The following IQGAP3 variants were observed in gnomAD, a reference collection of about 807,000 sequenced individuals.
IQGAP3 encodes ras GTPase-activating-like protein IQGAP3.
IQGAP3 carries 165 observed loss-of-function variants against 208.2 expected under a neutral mutation model. The observed-to-expected ratio is 0.79, with a 90% CI of 0.70 to 0.90. The LOEUF (loss-of-function observed/expected upper bound fraction) is 0.90. IQGAP3 is among the 40% of genes least tolerant of loss of function. The probability of loss-of-function intolerance (pLI) is 0.00; values close to 1 mark genes in which losing one functional copy is unlikely to be tolerated. For missense variants in IQGAP3, 1,811 were observed against 2,043.1 expected, an observed-to-expected ratio of 0.89 and a Z score of 2.19; for synonymous variants, 703 against 803.6, an observed-to-expected ratio of 0.87 and a Z score of 2.12.
Position 156,529,026 on chromosome 1 carries a change from C to T in IQGAP3, c.4461G>A (p.Leu1487=). The change falls in exon 35 of 38, where the codon CTG becomes CTA. Residue 1487 remains leucine, a synonymous_variant. Coordinates refer to ENST00000361170, the MANE Select transcript of IQGAP3 (RefSeq NM_178229.5). ...RHRRKAELVK[L]QATLQGLSTK... ...TGCTCAGGCCCTGTAATGTGGCCTG[C>T]AGCTTCACCAGCTCTGCCTTCCGCC... is the stretch of plus-strand genomic sequence containing the variant. 1 of 1,614,210 alleles carries T rather than the reference C, an allele frequency of 6.2e-7. No homozygotes were observed. The highest frequency in any genetic ancestry group is 1.1e-5 in the South Asian group (1 of 91,090).
In IQGAP3 at chr1:156,544,131, G is replaced by C. The variant is rs771463136; in HGVS notation, c.2460+21C>G. The C allele has an allele frequency of 2.5e-6, 4 of 1,613,670 alleles. No individual in the cohort carries two copies. In the Admixed American group the frequency reaches 6.7e-5, roughly 27 times the overall value. ...GGGCAAAGGTTGGGTATGTGGGCAG[G>C]GGGAACAAGGTGACACTCACATTCT... On this transcript the variant is annotated intron_variant, in intron 21 of 37. Coordinates refer to ENST00000361170, the MANE Select transcript of IQGAP3 (RefSeq NM_178229.5).
chr1:156,542,490 TG>T (rs1467898560), intron 22 of IQGAP3, among the ~76,000 whole-genome samples: 2 of 152,194 alleles, frequency 1.3e-5, no homozygotes, highest in Non-Finnish European at 2.9e-5. Flanking sequence ...AGGCCCGGCC[TG>T]GGGACAAATC....
chr1:156,529,099 G>A lies in IQGAP3; in HGVS notation c.4405-17C>T. 1 of 1,613,148 alleles carries A rather than the reference G, an allele frequency of 6.2e-7. No homozygotes were observed. The highest frequency in any genetic ancestry group is 1.1e-5 in the South Asian group (1 of 91,022). Reference sequence around the variant, plus strand: ...GCGGATGTCCTGGGGTTGGGGAACAGATGGAGGGATGAGTGGTCCTTCCTG... The same window carrying A: ...GCGGATGTCCTGGGGTTGGGGAACAAATGGAGGGATGAGTGGTCCTTCCTG... On this transcript the variant is annotated splice_polypyrimidine_tract_variant and intron_variant, in intron 34 of 37. Transcript: ENST00000361170.
chr1:156,537,501 G>T (rs767357430), intron 26 of IQGAP3, among the ~76,000 whole-genome samples, 180 bp from the exon 27 acceptor site: 26 of 152,226 alleles, frequency 1.7e-4, no homozygotes, highest in Admixed American at 1.4e-3. Flanking sequence ...AATGCAGTCG[G>T]GAGGTAAAGA....
At chr1:156,569,146 C>G in intron 2 of IQGAP3, among the ~76,000 whole-genome samples, 1 of 151,594 alleles carries the variant, frequency 6.6e-6, no homozygotes, top group East Asian at 1.9e-4. Context: ...GGCATTGTGG[C>G]TATATAAGCG....
Position 156,544,394 on chromosome 1 carries a change from T to G in IQGAP3, c.2383A>C (p.Ile795Leu). Residue 795 changes from isoleucine to leucine, a missense_variant, in exon 20 of 38, where the codon ATC becomes CTC. Physicochemically the swap from Ile to Leu is conservative, Grantham distance 5. Coordinates refer to ENST00000361170, the MANE Select transcript of IQGAP3 (RefSeq NM_178229.5). The stretch of plus-strand genomic sequence containing the variant: ...GCCAAAACCACCGTAGCTACCTTGA[T>G]TATGGCATCCAGGTTTGCTTTAAAA... The part of the protein sequence containing the change: ...QYFKANLDAI[I>L]KIQAWARMWA... 6.2e-7 allele frequency: 1 copy of G among 1,613,416 alleles called. No homozygotes were observed. The highest frequency in any genetic ancestry group is 2.2e-5 in the East Asian group (1 of 44,886).
chr1:156,570,802 G>A lies in IQGAP3; in HGVS notation c.38-1339C>T, dbSNP rs200121515. 1.6e-4 allele frequency among the ~76,000 whole-genome samples: 25 copies of A among 152,336 alleles called. No homozygotes were observed. In the East Asian group the frequency reaches 2.1e-3, roughly 13 times the overall value. On this transcript the variant is annotated intron_variant, in intron 1 of 37. Coordinates refer to ENST00000361170, the MANE Select transcript of IQGAP3 (RefSeq NM_178229.5). ...TGGGATTACAGGCGTGAACCACAGCGCCCAAAGATTATTATCAGAAGAGAA... is the reference window on the plus strand; with the variant it reads ...TGGGATTACAGGCGTGAACCACAGCACCCAAAGATTATTATCAGAAGAGAA...
rs1422625505 is a variant in IQGAP3 at position 156,526,597 on chromosome 1, A to G, written c.4785T>C (p.Asp1595=). 2.5e-6 allele frequency: 4 copies of G among 1,610,854 alleles called. No homozygotes were observed. The highest frequency in any genetic ancestry group is 3.4e-6 in the Non-Finnish European group (4 of 1,177,290). Reference sequence around the variant, plus strand: ...CACCCTCATACTGGAGCTGCAGGAGATCCTAGGAGGGAAGAGGCAGGGAGG... The same window carrying G: ...CACCCTCATACTGGAGCTGCAGGAGGTCCTAGGAGGGAAGAGGCAGGGAGG... ...DMERFQLHYQ[D]LLQLQYEGVA... is the part of the protein sequence containing the mutation. The change falls in exon 38 of 38, where the codon GAT becomes GAC. Residue 1595 remains aspartate, a splice_region_variant and synonymous_variant. Coordinates refer to ENST00000361170, the MANE Select transcript of IQGAP3 (RefSeq NM_178229.5).
chr1:156,561,915 C>T lies in IQGAP3; in HGVS notation c.964G>A (p.Ala322Thr). The T allele has an allele frequency of 4.3e-6, 7 of 1,614,022 alleles. No individual in the cohort carries two copies. Among genetic ancestry groups the T allele is most frequent in the Non-Finnish European group, 5.9e-6 (7 of 1,179,964 alleles). ...LLKALQDPAL[A>T]LRGVRRDFAD... Reference sequence around the variant, plus strand: ...AAGTCTCTCCTCACCCCTCGCAGGGCCAGGGCAGGGTCTTGAAGGGCCTTG... The same window carrying T: ...AAGTCTCTCCTCACCCCTCGCAGGGTCAGGGCAGGGTCTTGAAGGGCCTTG... The change falls in exon 10 of 38, where the codon GCC (alanine) becomes ACC (threonine). Residue 322 changes from alanine to threonine, a missense_variant. By Grantham distance (58) the Ala-to-Thr change is moderately conservative. Transcript: ENST00000361170.
chr1:156,528,735 A>AG, intron 35 of IQGAP3, 125 bp from the exon 36 acceptor site: 1 of 1,025,386 alleles, frequency 9.8e-7, no homozygotes, highest in African/African-American at 1.6e-5. Flanking sequence ...AAGACAGAGG[A>AG]GGGGGGCTGC....
rs1171738444 is a variant in IQGAP3, at chr1:156,551,748, C to T, written c.1691G>A (p.Arg564Gln). 1.5e-5 allele frequency: 25 copies of T among 1,613,694 alleles called. No homozygotes were observed. Among genetic ancestry groups the T allele is most frequent in the Middle Eastern group, 1.7e-4 (1 of 5,950 alleles). Residue 564 changes from arginine (R) to glutamine (Q), a missense_variant, in exon 15 of 38, where the codon CGG becomes CAG. Coordinates refer to ENST00000361170, the MANE Select transcript of IQGAP3 (RefSeq NM_178229.5). ...GGCTGCCACAAGGAGGAGATGGTAC[C>T]GAGGGGCGACAGGGAGGCTGACATC... ...LDDVSLPVAP[R>Q]YHLLLVAAKR...
intron 2 of IQGAP3, 53 bp downstream of exon 2, chr1:156,569,323 G>A: frequency 4.3e-6 from 5 of 1,165,012 alleles, no homozygotes; most frequent in Non-Finnish European, 6.4e-6. Flanking sequence ...TGCCTAGGGT[G>A]GGGTGGTAGA....
At chr1:156,541,817 G>A (rs1182512980) in intron 22 of IQGAP3, among the ~76,000 whole-genome samples, 3 of 152,212 alleles carry the variant, frequency 2.0e-5, no homozygotes, top group African/African-American at 7.2e-5. Context: ...ACTTTGAGAG[G>A]AGCAAGCATG....
At chr1:156,554,414 A>C (rs752664526) in intron 12 of IQGAP3, 22 bp from the exon 13 acceptor site, 2 of 1,579,806 alleles carry the variant, frequency 1.3e-6, no homozygotes, top group African/African-American at 2.7e-5. Context: ...GGGAGGGCCA[A>C]TTCCCAAGTG....
rs768951040 is a variant in IQGAP3, at chr1:156,563,678, C to CCCTT, written c.506-13_506-12insAAGG. The CCCTT allele has an allele frequency of 3.4e-5, 55 of 1,610,482 alleles. No homozygotes were observed. In the African/African-American group the frequency reaches 7.2e-4, roughly 21 times the overall value. On this transcript the variant is annotated splice_polypyrimidine_tract_variant and intron_variant, in intron 6 of 37. Coordinates refer to ENST00000361170, the MANE Select transcript of IQGAP3 (RefSeq NM_178229.5). ...GCTGAGTTCCTCAGCTGCAATGATG[C>CCCTT]CACAGGTGCCCTTCATCAGGCCCAG...
Position 156,539,958 on chromosome 1 carries a change from C to T in IQGAP3, c.2772G>A (p.Lys924=). The change falls in exon 24 of 38, where the codon AAG becomes AAA. Residue 924 remains lysine, a synonymous_variant. Transcript: ENST00000361170. Reference sequence around the variant, plus strand: ...TATCTGACAGCTGTTCCTTATTCCTCTTGGTCAGCTTCTTGCAGTGGGAGA... The same window carrying T: ...TATCTGACAGCTGTTCCTTATTCCTTTTGGTCAGCTTCTTGCAGTGGGAGA... ...EVVSHCKKLT[K]RNKEQLSDMM... is the part of the protein sequence containing the mutation. 6.2e-7 allele frequency: 1 copy of T among 1,614,118 alleles called. No homozygotes were observed. The highest frequency in any genetic ancestry group is 8.5e-7 in the Non-Finnish European group (1 of 1,180,014).
intron 1 of IQGAP3, 115 bp from the exon 2 acceptor site, chr1:156,569,578 G>A (rs1676553452): frequency 2.2e-6 from 1 of 462,066 alleles, no homozygotes; most frequent in Non-Finnish European, 3.7e-6. Flanking sequence ...GAGTGCAGTG[G>A]CCCAATCTTG....
chr1:156,540,912 A>G lies in IQGAP3; in HGVS notation c.2535T>C (p.His845=), dbSNP rs773022316. 5 of 1,613,294 alleles carry G rather than the reference A, an allele frequency of 3.1e-6. No individual in the cohort carries two copies. The African/African-American group carries it at 5.3e-5, about 17-fold the overall frequency. The change falls in exon 23 of 38, where the codon CAT becomes CAC. Residue 845 remains histidine, a synonymous_variant. Coordinates refer to ENST00000361170, the MANE Select transcript of IQGAP3 (RefSeq NM_178229.5). ...CCACACTGAGAGGAGGGTGGGGTGC[A>G]TGCACTGGGAGGAAGGGAGGAGGCA... The part of the protein sequence containing the change: ...KAQDDYRILV[H]APHPPLSVVR...
chr1:156,542,146 T>C (rs953370058), intron 22 of IQGAP3, among the ~76,000 whole-genome samples: 3 of 152,196 alleles, frequency 2.0e-5, no homozygotes, highest in African/African-American at 4.8e-5. Context: ...TGATCACATG[T>C]ACAGGTTTAA....
Sources: allele counts gnomAD v4.1 joint callset (sites outside exome capture counted in the v4.1 genomes callset), GRCh38; gene constraint gnomAD v4.1.1; transcripts MANE v1.5; gene names NCBI Gene and HGNC (gene_info 2026-07-23, HGNC 2026-07-21).